Variants in CSMD1 observed in about 807,000 individuals in gnomAD.
CSMD1 encodes the protein CUB and Sushi multiple domains 1, also known as CUB and sushi domain-containing protein 1.
A neutral mutation model predicts 417.5 loss-of-function variants in CSMD1; 213 were observed. The observed-to-expected ratio is 0.51, with a 90% CI of 0.46 to 0.57. The LOEUF (loss-of-function observed/expected upper bound fraction) is 0.57, where lower values mean the gene tolerates loss of function less well. Among genes scored for constraint, CSMD1 ranks in the 20% least tolerant of loss-of-function variants. The pLI is 0.00. For synonymous variants in CSMD1, 2,862 were observed against 1,736.8 expected (o/e 1.65, Z -16.11); for missense variants, 6,923 against 4,529.7 (o/e 1.53, Z -15.17).
At chr8:4,403,396 C>T (rs1339045982) in intron 3 of CSMD1, among the ~76,000 whole-genome samples, 1 of 152,106 alleles carries the variant, frequency 6.6e-6, no homozygotes, top group Non-Finnish European at 1.5e-5. Flanking sequence ...TCATCTAATT[C>T]TCTTTTGAAC....
intron 5 of CSMD1, among the ~76,000 whole-genome samples, chr8:3,969,424 C>T (rs757238733): frequency 6.6e-6 from 1 of 152,100 alleles, no homozygotes; most frequent in African/African-American, 2.4e-5. Context: ...CATGCAGCAG[C>T]CTGGAGATGG....
At chr8:3,260,522 A>G (rs1026001219) in intron 26 of CSMD1, among the ~76,000 whole-genome samples, 16 of 152,142 alleles carry the variant, frequency 1.1e-4, no homozygotes, top group African/African-American at 3.6e-4. Flanking sequence ...AACATTCCTC[A>G]TTTCATTTCT....
chr8:3,770,320 G>A (rs1402029911), intron 5 of CSMD1, among the ~76,000 whole-genome samples: 1 of 152,144 alleles, frequency 6.6e-6, no homozygotes, highest in Non-Finnish European at 1.5e-5. Context: ...CACAAGATCA[G>A]GAGTTCAAGA....
chr8:4,077,354 T>G (rs1425828367), intron 3 of CSMD1, among the ~76,000 whole-genome samples: 4 of 140,754 alleles, frequency 2.8e-5, no homozygotes, highest in Non-Finnish European at 6.0e-5. Context: ...TAATTTATAT[T>G]TTTTATCAGA....
At chr8:3,513,619 G>A (rs1797168919) in intron 10 of CSMD1, among the ~76,000 whole-genome samples, 1 of 152,154 alleles carries the variant, frequency 6.6e-6, no homozygotes, top group South Asian at 2.1e-4. Context: ...AACATGGTAA[G>A]ACTTACTGCT....
chr8:4,248,376 G>A (rs1221492633), intron 3 of CSMD1, among the ~76,000 whole-genome samples: 1 of 152,146 alleles, frequency 6.6e-6, no homozygotes, highest in Non-Finnish European at 1.5e-5. Flanking sequence ...CTTGGTGAGT[G>A]CTGGTTTGCT....
chr8:4,830,916 G>A (rs1269883154), intron 1 of CSMD1, among the ~76,000 whole-genome samples: 1 of 152,114 alleles, frequency 6.6e-6, no homozygotes, highest in South Asian at 2.1e-4. Context: ...AACTTTCAGT[G>A]AACTTCCTTA....
intron 1 of CSMD1, among the ~76,000 whole-genome samples, chr8:4,723,968 G>A (rs573849353): frequency 3.6e-4 from 54 of 151,946 alleles, no homozygotes; most frequent in Non-Finnish European, 6.0e-4. Flanking sequence ...ATCCAATCTC[G>A]GGCAGAAAGA....
intron 1 of CSMD1, among the ~76,000 whole-genome samples, chr8:4,937,053 A>G (rs865922998): frequency 1.3e-5 from 2 of 152,108 alleles, no homozygotes. Context: ...TGTATGAACA[A>G]TTAAAAATAA....
intron 36 of CSMD1, 118 bp downstream of exon 36, chr8:3,187,751 G>A: frequency 2.8e-6 from 2 of 715,780 alleles, no homozygotes; most frequent in East Asian, 2.8e-5. Flanking sequence ...CAACCATTAT[G>A]GAGATAGAAG....
chr8:3,446,541 G>A (rs775744663), intron 12 of CSMD1, among the ~76,000 whole-genome samples: 1 of 152,172 alleles, frequency 6.6e-6, no homozygotes, highest in South Asian at 2.1e-4. Context: ...CAAGGATAGA[G>A]TGCAGGTAGT....
Position 3,213,115 on chromosome 8 carries a change from C to A in CSMD1, c.4867+1382G>T, listed in dbSNP as rs188244776. Reference sequence around the variant, plus strand: ...TTGCTGGGATTACAGGTGTGAGCCACGCGCCCAGTCTCTTATACAGTAATA... The same window carrying A: ...TTGCTGGGATTACAGGTGTGAGCCAAGCGCCCAGTCTCTTATACAGTAATA... On this transcript the variant is annotated intron_variant, in intron 30 of 69. Coordinates refer to ENST00000635120, the MANE Select transcript of CSMD1 (RefSeq NM_033225.6). Among the ~76,000 whole-genome samples, 60 of 152,312 alleles carry A rather than the reference C, an allele frequency of 3.9e-4. No individual in the cohort carries two copies. In the South Asian group the frequency reaches 0.012, roughly 29 times the overall value.
At chr8:4,940,140 G>A (rs1336782649) in intron 1 of CSMD1, among the ~76,000 whole-genome samples, 3 of 152,114 alleles carry the variant, frequency 2.0e-5, no homozygotes, top group East Asian at 3.9e-4. Flanking sequence ...GTGAGAGCAG[G>A]GAGGGGTCAG....
intron 26 of CSMD1, chr8:3,279,203 C>T (rs1802542889): frequency 2.0e-5 from 3 of 152,240 alleles, no homozygotes; most frequent in Admixed American, 2.0e-4. Context: ...TGTGGCCGCC[C>T]AGACCGTTGG....
intron 3 of CSMD1, among the ~76,000 whole-genome samples, chr8:4,166,822 A>G (rs776905349): frequency 2.0e-5 from 3 of 152,226 alleles, no homozygotes; most frequent in Non-Finnish European, 2.9e-5. Context: ...AATATTTTAC[A>G]CTACTTATCT....
chr8:3,883,597 ATTAT>A lies in CSMD1; in HGVS notation c.818+114302_818+114305del, dbSNP rs755950601. On this transcript the variant is annotated intron_variant, in intron 5 of 69. Coordinates refer to ENST00000635120, the MANE Select transcript of CSMD1 (RefSeq NM_033225.6). ...GGAATAGTTTGCAAAAATTAGTGTT[ATTAT>A]TTATTTGATATCAATTAATATCAAT... Among the ~76,000 whole-genome samples the A allele has an allele frequency of 4.6e-5, 7 of 152,154 alleles. No individual in the cohort carries two copies. In the East Asian group the frequency reaches 1.3e-3, roughly 29 times the overall value.
intron 10 of CSMD1, among the ~76,000 whole-genome samples, chr8:3,516,312 A>G (rs1430180104): frequency 6.6e-6 from 1 of 152,262 alleles, no homozygotes; most frequent in Non-Finnish European, 1.5e-5. Context: ...TAAAGAATCC[A>G]AAGAAGGTCA....
intron 5 of CSMD1, among the ~76,000 whole-genome samples, chr8:3,929,669 T>G (rs1368859806): frequency 3.8e-5 from 2 of 52,064 alleles, no homozygotes; most frequent in Non-Finnish European, 7.1e-5. Context: ...AAAATACTAT[T>G]TTTTTTTTTT....
chr8:3,694,174 C>T (rs559889507), intron 7 of CSMD1, among the ~76,000 whole-genome samples: 7 of 151,884 alleles, frequency 4.6e-5, no homozygotes, highest in Non-Finnish European at 7.4e-5. Flanking sequence ...ACAGATCTCA[C>T]CAACAAGGTG....
Sources: gnomAD v4.1 joint callset for allele counts (sites outside exome capture counted in the v4.1 genomes callset) on GRCh38, gnomAD v4.1.1 for gene constraint, MANE v1.5 for transcripts, NCBI Gene and HGNC (gene_info 2026-07-23, HGNC 2026-07-21) for gene names.